The following DLGAP2 variants were observed in gnomAD, a reference collection of about 807,000 sequenced individuals.
DLGAP2 encodes disks large-associated protein 2.
A neutral mutation model predicts 100.3 loss-of-function variants in DLGAP2; 26 were observed. The ratio of observed to expected loss-of-function variants is 0.26; its 90% confidence interval spans 0.19 to 0.36. The LOEUF is 0.36. DLGAP2 is among the 10% of genes least tolerant of loss of function. DLGAP2 has a pLI of 1.00. For missense variants in DLGAP2, 1,858 were observed against 1,453.2 expected (o/e 1.28, Z -4.53); for synonymous variants, 886 against 630.1 (o/e 1.41, Z -6.08).
In DLGAP2 at chr8:1,632,579, T is replaced by A. The variant is rs547516957; in HGVS notation, c.1591-248T>A. 3.3e-5 allele frequency among the ~76,000 whole-genome samples: 5 copies of A among 152,344 alleles called. No individual in the cohort carries two copies. The East Asian group carries it at 9.6e-4, about 29-fold the overall frequency. On this transcript the variant is annotated intron_variant, in intron 7 of 14. Coordinates refer to ENST00000637795, the MANE Select transcript of DLGAP2 (RefSeq NM_001346810.2). ...ATAACTGTCAGCCTTACCTTGAAGGTTTGCCTTGCGGTCCCCCAGAATTTC... is the reference window on the plus strand; with the variant it reads ...ATAACTGTCAGCCTTACCTTGAAGGATTGCCTTGCGGTCCCCCAGAATTTC...
intron 1 of DLGAP2, among the ~76,000 whole-genome samples, chr8:875,795 G>T (rs887733595): frequency 2.6e-4 from 39 of 152,066 alleles, no homozygotes; most frequent in African/African-American, 9.4e-4. Context: ...ATATTTTTGA[G>T]TCATTTATTT....
At chr8:1,329,703 C>T (rs1041525002) in intron 3 of DLGAP2, among the ~76,000 whole-genome samples, 16 of 152,082 alleles carry the variant, frequency 1.1e-4, no homozygotes, top group Non-Finnish European at 1.8e-4. Flanking sequence ...ATGAGCCGTG[C>T]GTGAGGTCAC....
intron 2 of DLGAP2, among the ~76,000 whole-genome samples, chr8:1,151,166 T>A (rs2129051542): frequency 6.6e-6 from 1 of 152,320 alleles, no homozygotes; most frequent in South Asian, 2.1e-4. Context: ...CTTAACCACG[T>A]CCCTGCAGAG....
intron 2 of DLGAP2, among the ~76,000 whole-genome samples, chr8:1,080,656 G>T (rs995130473): frequency 3.3e-5 from 5 of 152,212 alleles, no homozygotes; most frequent in African/African-American, 1.2e-4. Context: ...TGTCCTTCGT[G>T]CTGAACGCAG....
chr8:905,208 G>T (rs574577075), intron 1 of DLGAP2, among the ~76,000 whole-genome samples: 3 of 152,290 alleles, frequency 2.0e-5, no homozygotes, highest in South Asian at 2.1e-4. Context: ...TGTGGGAGCC[G>T]CAGGGTGGGC....
chr8:1,361,645 C>T (rs1370363680), intron 3 of DLGAP2, among the ~76,000 whole-genome samples: 2 of 152,210 alleles, frequency 1.3e-5, no homozygotes, highest in African/African-American at 4.8e-5. Context: ...GGGAGCCCCC[C>T]TGGGTCTGAC....
At chr8:1,174,337 C>T (rs565021374) in intron 2 of DLGAP2, among the ~76,000 whole-genome samples, 2 of 151,756 alleles carry the variant, frequency 1.3e-5, no homozygotes, top group African/African-American at 2.4e-5. Flanking sequence ...TCATCATTAC[C>T]ATTACCACCA....
At chr8:1,673,539 A>G (rs1263928787) in intron 10 of DLGAP2, among the ~76,000 whole-genome samples, 1 of 152,194 alleles carries the variant, frequency 6.6e-6, no homozygotes, top group Non-Finnish European at 1.5e-5. Context: ...AAATCTGCAC[A>G]GTTCATCATA....
At chr8:977,453 T>C (rs925087768) in intron 2 of DLGAP2, among the ~76,000 whole-genome samples, 5 of 152,236 alleles carry the variant, frequency 3.3e-5, no homozygotes, top group African/African-American at 9.6e-5. Flanking sequence ...ACCCCTGTGA[T>C]GTGTGACACT....
rs553222224 is a variant in DLGAP2, at chr8:818,446, A to G, written c.18+80621A>G. Reference sequence around the variant, plus strand: ...CTTTCCCTGAACCACGAACCTCCCCATTGAGAAAGCACAGACTCACGGTTT... The same window carrying G: ...CTTTCCCTGAACCACGAACCTCCCCGTTGAGAAAGCACAGACTCACGGTTT... On this transcript the variant is annotated intron_variant, in intron 1 of 14. Transcript: ENST00000637795. Among the ~76,000 whole-genome samples, 19 of 152,244 alleles carry G rather than the reference A, an allele frequency of 1.2e-4. No individual in the cohort carries two copies. The South Asian group carries it at 3.7e-3, about 30-fold the overall frequency.
chr8:1,116,327 G>C (rs913621341), intron 2 of DLGAP2, among the ~76,000 whole-genome samples: 3 of 152,222 alleles, frequency 2.0e-5, no homozygotes, highest in African/African-American at 7.2e-5. Flanking sequence ...GCCACAGCCT[G>C]GACGAAGAGT....
chr8:1,275,899 A>AT (rs1799679474), intron 3 of DLGAP2, among the ~76,000 whole-genome samples: 1 of 125,534 alleles, frequency 8.0e-6, no homozygotes, highest in African/African-American at 3.1e-5. Context: ...ATAATATATA[A>AT]ATATATATAA....
intron 2 of DLGAP2, among the ~76,000 whole-genome samples, chr8:1,234,945 TTCTC>T (rs932677352): frequency 6.6e-6 from 1 of 152,210 alleles, no homozygotes; most frequent in Admixed American, 6.5e-5. Context: ...TTGTGTCTGC[TTCTC>T]TCTCACATGC....
chr8:1,462,651 C>T (rs1223234614), intron 3 of DLGAP2, among the ~76,000 whole-genome samples: 1 of 152,154 alleles, frequency 6.6e-6, no homozygotes, highest in Non-Finnish European at 1.5e-5. Context: ...GGTCATCCTG[C>T]AGTAGCTCAG....
Position 1,470,486 on chromosome 8 carries a change from T to A in DLGAP2, c.107-30880T>A, listed in dbSNP as rs1338268579. Among the ~76,000 whole-genome samples the A allele has an allele frequency of 2.0e-5, 3 of 152,224 alleles. No homozygotes were observed. The South Asian group carries it at 6.2e-4, about 32-fold the overall frequency. On this transcript the variant is annotated intron_variant, in intron 3 of 14. Coordinates refer to ENST00000637795, the MANE Select transcript of DLGAP2 (RefSeq NM_001346810.2). ...ATCCCTCCCGCCACCTGCTCTCTTCTGAATACTTTCACAGAATCGTTTAAA... is the reference window on the plus strand; with the variant it reads ...ATCCCTCCCGCCACCTGCTCTCTTCAGAATACTTTCACAGAATCGTTTAAA...
chr8:742,455 T>C (rs1820512083), intron 1 of DLGAP2, among the ~76,000 whole-genome samples: 1 of 152,222 alleles, frequency 6.6e-6, no homozygotes, highest in Non-Finnish European at 1.5e-5. Context: ...TAGGCGGTAT[T>C]GAAAAACATC....
At chr8:1,507,007 T>C (rs1238629677) in intron 4 of DLGAP2, among the ~76,000 whole-genome samples, 1 of 152,156 alleles carries the variant, frequency 6.6e-6, no homozygotes, top group African/African-American at 2.4e-5. Flanking sequence ...ACAAACCTTT[T>C]GCTAGACACA....
intron 3 of DLGAP2, among the ~76,000 whole-genome samples, chr8:1,498,176 C>G (rs1210536156): frequency 6.6e-6 from 1 of 151,992 alleles, no homozygotes; most frequent in African/African-American, 2.4e-5. Flanking sequence ...AAAGCGATGT[C>G]TGGGTGAAGA....
intron 2 of DLGAP2, among the ~76,000 whole-genome samples, chr8:1,191,289 G>A (rs572469720): frequency 1.3e-5 from 2 of 150,480 alleles, no homozygotes; most frequent in Admixed American, 6.6e-5. Context: ...TCCTGCCTCA[G>A]CCTCCCGAGT....
Sources: allele counts gnomAD v4.1 joint callset (sites outside exome capture counted in the v4.1 genomes callset), GRCh38; gene constraint gnomAD v4.1.1; transcripts MANE v1.5; gene names NCBI Gene and HGNC (gene_info 2026-07-23, HGNC 2026-07-21).